VTA1: variants seen among roughly 807,000 people sequenced by gnomAD.
VTA1 encodes vesicle trafficking 1.
Under a neutral mutation model 36.9 loss-of-function variants are expected in VTA1, and 24 were observed. That is an observed-to-expected ratio of 0.65 (90% CI 0.47 to 0.91). VTA1 has a LOEUF of 0.91. Among genes scored for constraint, VTA1 ranks in the 40% least tolerant of loss-of-function variants. The pLI, the probability that VTA1 is intolerant of heterozygous loss-of-function variation, is 0.00. For missense variants in VTA1, 393 were observed against 377.2 expected (o/e 1.04, Z -0.35); for synonymous variants, 142 against 130.2 (o/e 1.09, Z -0.62).
intron 4 of VTA1, among the ~76,000 whole-genome samples, chr6:142,178,850 C>A (rs1775173192): frequency 6.6e-6 from 1 of 151,590 alleles, no homozygotes; most frequent in African/African-American, 2.4e-5. Flanking sequence ...TATACTGTTT[C>A]TAAGAGATAC....
intron 7 of VTA1, among the ~76,000 whole-genome samples, chr6:142,218,039 TGTAAAATACTCTC>T (rs1157366730): frequency 6.6e-6 from 1 of 152,184 alleles, no homozygotes; most frequent in African/African-American, 2.4e-5. Context: ...GGCACAAACA[TGTAAAATACTCTC>T]ATGCTTAAAA....
intron 5 of VTA1, among the ~76,000 whole-genome samples, chr6:142,198,124 T>G (rs1775600596): frequency 2.0e-5 from 1 of 50,764 alleles, no homozygotes; most frequent in African/African-American, 5.3e-5. Context: ...TATATATGTG[T>G]GTGTGTGTGT....
At chr6:142,189,791 C>G (rs1173852681) in intron 5 of VTA1, among the ~76,000 whole-genome samples, 3 of 151,838 alleles carry the variant, frequency 2.0e-5, no homozygotes, top group Admixed American at 6.6e-5. Flanking sequence ...TAGTCTCGCT[C>G]TGTCGCCCAG....
intron 7 of VTA1, among the ~76,000 whole-genome samples, chr6:142,208,778 A>C (rs2114683448): frequency 6.6e-6 from 1 of 152,276 alleles, no homozygotes; most frequent in Non-Finnish European, 1.5e-5. Flanking sequence ...TTAAAAAAAA[A>C]CTGTCATCTA....
chr6:142,162,115 TTAAC>T (rs772989695), intron 1 of VTA1, among the ~76,000 whole-genome samples: 1 of 152,232 alleles, frequency 6.6e-6, no homozygotes, highest in East Asian at 1.9e-4. Context: ...TACACTGTGT[TTAAC>T]TATTAGTTAT....
chr6:142,198,169 G>A (rs1034477074), intron 5 of VTA1, among the ~76,000 whole-genome samples: 3 of 143,872 alleles, frequency 2.1e-5, no homozygotes, highest in Admixed American at 1.4e-4. Context: ...GTGTGTATAT[G>A]TGTGTACATA....
intron 1 of VTA1, among the ~76,000 whole-genome samples, chr6:142,154,504 C>A (rs1233997996): frequency 6.6e-6 from 1 of 152,106 alleles, no homozygotes; most frequent in Admixed American, 6.5e-5. Context: ...GTTGCTAGAT[C>A]ATATGGTAAT....
rs144025715 is a variant in VTA1 at position 142,159,187 on chromosome 6, C to G, written c.113-7041C>G. 3.9e-3 allele frequency among the ~76,000 whole-genome samples: 598 copies of G among 152,000 alleles called. 3 individuals are homozygous for G. Among genetic ancestry groups the G allele is most frequent in the African/African-American group, 0.014 (573 of 41,480 alleles). On this transcript the variant is annotated intron_variant, in intron 1 of 7. Coordinates refer to ENST00000367630, the MANE Select transcript of VTA1 (RefSeq NM_016485.5). Reference sequence around the variant, plus strand: ...CCAGCCTAGGCAACATGGTGAAACCCTGTCTCTACCAAAAATACAATAAGA... The same window carrying G: ...CCAGCCTAGGCAACATGGTGAAACCGTGTCTCTACCAAAAATACAATAAGA...
At chr6:142,170,854 A>T (rs1357253452) in intron 4 of VTA1, among the ~76,000 whole-genome samples, 2 of 151,990 alleles carry the variant, frequency 1.3e-5, no homozygotes, top group Non-Finnish European at 2.9e-5. Flanking sequence ...CGAACTCTTG[A>T]GCTCAAGCAA....
At position 142,218,687 on chromosome 6, in the gene VTA1, A is replaced by G; in HGVS notation, c.*44A>G. On this transcript the variant is annotated 3_prime_UTR_variant, in exon 8 of 8. Coordinates refer to ENST00000367630, the MANE Select transcript of VTA1 (RefSeq NM_016485.5). ...CCATGTATTTTTGGCATGAGGAACT[A>G]ACAGTCCATTACTCTATCTTCAGCC... is the stretch of plus-strand genomic sequence containing the variant. 1 of 1,575,452 alleles carries G rather than the reference A, an allele frequency of 6.3e-7. No individual in the cohort carries two copies. Among genetic ancestry groups the G allele is most frequent in the Non-Finnish European group, 8.6e-7 (1 of 1,165,842 alleles).
At chr6:142,192,022 T>A (rs1775464962) in intron 5 of VTA1, among the ~76,000 whole-genome samples, 1 of 152,136 alleles carries the variant, frequency 6.6e-6, no homozygotes, top group Non-Finnish European at 1.5e-5. Context: ...TTAACTTAGA[T>A]AAAGAACAAA....
chr6:142,198,359 A>G (rs2232306), intron 5 of VTA1, 80 bp from the exon 6 acceptor site: 46,541 of 1,318,828 alleles, frequency 0.035, 1,036 homozygotes, highest in Non-Finnish European at 0.04. Flanking sequence ...TCCATTTGTC[A>G]TGTGTATAAT....
chr6:142,202,659 A>T (rs1775711212), intron 6 of VTA1, among the ~76,000 whole-genome samples: 1 of 152,016 alleles, frequency 6.6e-6, no homozygotes, highest in Non-Finnish European at 1.5e-5. Flanking sequence ...ATAAGTACAC[A>T]AATTTCTTAG....
intron 6 of VTA1, among the ~76,000 whole-genome samples, chr6:142,199,317 A>G (rs1283063613): frequency 6.6e-6 from 1 of 152,124 alleles, no homozygotes; most frequent in African/African-American, 2.4e-5. Flanking sequence ...CTTCCCTTTA[A>G]TTGCATTGTT....
intron 7 of VTA1, among the ~76,000 whole-genome samples, chr6:142,210,866 C>A (rs958843291): frequency 1.3e-5 from 2 of 151,914 alleles, no homozygotes; most frequent in African/African-American, 4.8e-5. Flanking sequence ...AATCTACACT[C>A]TCATGTTTAT....
At chr6:142,169,985 G>T (rs225662) in intron 3 of VTA1, among the ~76,000 whole-genome samples, 55,227 of 151,814 alleles carry the variant, frequency 0.36, 11,336 homozygotes, top group Middle Eastern at 0.53. Context: ...TGATGATTTT[G>T]ATTTTGAAGG....
chr6:142,178,277 A>G (rs1775163155), intron 4 of VTA1, among the ~76,000 whole-genome samples: 1 of 152,152 alleles, frequency 6.6e-6, no homozygotes, highest in Non-Finnish European at 1.5e-5. Flanking sequence ...GGATAATAAA[A>G]TGACATATTT....
chr6:142,217,875 G>A (rs2114692286), intron 7 of VTA1, among the ~76,000 whole-genome samples: 1 of 151,604 alleles, frequency 6.6e-6, no homozygotes, highest in African/African-American at 2.4e-5. Context: ...AACTGAAATT[G>A]TTTAGTTGGG....
intron 5 of VTA1, 136 bp downstream of exon 5, chr6:142,189,670 C>T (rs1227823503): frequency 1.6e-6 from 1 of 626,812 alleles, no homozygotes; most frequent in Non-Finnish European, 2.6e-6. Context: ...AGTATAAAAT[C>T]ATAAACTTAG....
Sources: gnomAD v4.1 joint callset for allele counts (sites outside exome capture counted in the v4.1 genomes callset) on GRCh38, gnomAD v4.1.1 for gene constraint, MANE v1.5 for transcripts, NCBI Gene and HGNC (gene_info 2026-07-23, HGNC 2026-07-21) for gene names.